The following CORO2A variants were observed in gnomAD, a reference collection of about 807,000 sequenced individuals.
The protein encoded by CORO2A is coronin-2A.
In CORO2A, 47 loss-of-function variants were observed where a neutral mutation model predicts 62.4. That is an observed-to-expected ratio of 0.75 (90% CI 0.60 to 0.96). The LOEUF is 0.96. CORO2A is among the 40% of genes least tolerant of loss of function. CORO2A has a pLI of 0.00. For missense variants in CORO2A, 610 were observed against 684.1 expected, an observed-to-expected ratio of 0.89 and a Z score of 1.21; for synonymous variants, 273 against 268.9, an observed-to-expected ratio of 1.02 and a Z score of -0.15.
chr9:98,124,954 A>G (rs1827296856), intron 11 of CORO2A, 49 bp from the exon 12 acceptor site: 2 of 1,545,878 alleles, frequency 1.3e-6, no homozygotes, highest in South Asian at 1.2e-5. Flanking sequence ...TCAGGACACC[A>G]GCTGAAAGCT....
intron 2 of CORO2A, among the ~76,000 whole-genome samples, chr9:98,143,746 C>T (rs956109002): frequency 8.5e-5 from 13 of 152,176 alleles, no homozygotes; most frequent in African/African-American, 3.1e-4. Flanking sequence ...GGGATATACT[C>T]ACTGGGCAGG....
At chr9:98,139,619 T>G (rs1196809844) in intron 2 of CORO2A, among the ~76,000 whole-genome samples, 1 of 151,736 alleles carries the variant, frequency 6.6e-6, no homozygotes, top group African/African-American at 2.4e-5. Flanking sequence ...AGAGTGAGAC[T>G]CCGTCTCAAA....
At chr9:98,134,241 G>A (rs999801565) in intron 4 of CORO2A, among the ~76,000 whole-genome samples, 4 of 152,150 alleles carry the variant, frequency 2.6e-5, no homozygotes, top group Admixed American at 6.5e-5. Flanking sequence ...AGACTGAGTC[G>A]GAATAGAATT....
intron 4 of CORO2A, 123 bp downstream of exon 4, chr9:98,134,683 G>A: frequency 8.7e-7 from 1 of 1,146,248 alleles, no homozygotes; most frequent in Non-Finnish European, 1.2e-6. Context: ...GAGGGAGCTG[G>A]CTCTCCCAAC....
intron 1 of CORO2A, among the ~76,000 whole-genome samples, chr9:98,159,999 C>T (rs1827862023): frequency 6.6e-6 from 1 of 152,200 alleles, no homozygotes; most frequent in South Asian, 2.1e-4. Context: ...ACTGTGTGAC[C>T]TCAGGCAAGT....
chr9:98,162,991 G>A (rs1268798233), intron 1 of CORO2A, among the ~76,000 whole-genome samples: 1 of 152,198 alleles, frequency 6.6e-6, no homozygotes, highest in Non-Finnish European at 1.5e-5. Context: ...CCACATCAAA[G>A]CCACAACAGG....
At position 98,192,603 on chromosome 9, in the gene CORO2A, G is replaced by T. The variant is rs1828318789; in HGVS notation, c.-45C>A. On this transcript the variant is annotated 5_prime_UTR_variant, in exon 1 of 12. In the 5' UTR this introduces an upstream ATG that the reference lacks. Transcript: ENST00000375077. ...GTGGCGGTGGCGGCGGCGGCGTCCAGCTCCGGCTCCGCGCTCCTCGCCGCC... is the reference window on the plus strand; with the variant it reads ...GTGGCGGTGGCGGCGGCGGCGTCCATCTCCGGCTCCGCGCTCCTCGCCGCC... 1 of 150,534 alleles carries T rather than the reference G, an allele frequency of 6.6e-6. No individual in the cohort carries two copies. Among genetic ancestry groups the T allele is most frequent in the East Asian group, 2.0e-4 (1 of 5,128 alleles). 9.3% of individuals were successfully genotyped at this position (150,534 alleles called of 1,614,324 possible). A position where few individuals can be genotyped will look rare whatever the true frequency, so the allele number is the denominator to read the frequency against.
chr9:98,136,780 A>G (rs978954410), intron 3 of CORO2A, among the ~76,000 whole-genome samples: 1 of 152,098 alleles, frequency 6.6e-6, no homozygotes, highest in South Asian at 2.1e-4. Context: ...GATGACAGTT[A>G]GGAATACAGT....
At chr9:98,127,061 C>T (rs1397226227) in intron 10 of CORO2A, 10 of 573,850 alleles carry the variant, frequency 1.7e-5, no homozygotes, top group South Asian at 6.3e-5. Context: ...CAGCACGGTG[C>T]GTGCACTGAA....
intron 2 of CORO2A, among the ~76,000 whole-genome samples, chr9:98,152,008 G>A (rs1409841708): frequency 1.3e-5 from 2 of 151,770 alleles, no homozygotes; most frequent in Non-Finnish European, 2.9e-5. Flanking sequence ...GTAGAGATGG[G>A]GTTTCACCAT....
rs774431378 is a variant in CORO2A at position 98,133,230 on chromosome 9, G to C, written c.469-13C>G. ...TCCAGATCATCACCTGCATGGCAGA[G>C]AGCCAGCTCTGAGCACAGGGGCCAC... is the stretch of plus-strand genomic sequence containing the variant. On this transcript the variant is annotated splice_polypyrimidine_tract_variant and intron_variant, in intron 4 of 11. Transcript: ENST00000375077. 3 of 1,613,878 alleles carry C rather than the reference G, an allele frequency of 1.9e-6. No individual in the cohort carries two copies. The highest frequency in any genetic ancestry group is 1.1e-5 in the South Asian group (1 of 91,072).
rs146939534 is a variant in CORO2A at position 98,173,585 on chromosome 9, A to G, written c.1-15925T>C. Among the ~76,000 whole-genome samples the G allele has an allele frequency of 3.1e-3, 477 of 152,116 alleles. 1 individual carries two copies. The highest frequency in any genetic ancestry group is 0.011 in the African/African-American group (453 of 41,482). ...ATAAATTGCATGCTCTGAGGCCAGCACTCCGGAACTGGGCGTCCCAATCCT... is the reference window on the plus strand; with the variant it reads ...ATAAATTGCATGCTCTGAGGCCAGCGCTCCGGAACTGGGCGTCCCAATCCT... On this transcript the variant is annotated intron_variant, in intron 1 of 11. Transcript: ENST00000375077.
At chr9:98,181,029 G>A (rs1241015270) in intron 1 of CORO2A, among the ~76,000 whole-genome samples, 5 of 152,176 alleles carry the variant, frequency 3.3e-5, no homozygotes, top group African/African-American at 4.8e-5. Flanking sequence ...TCACGCCACT[G>A]ACTTTTTTTT....
At chr9:98,163,864 G>C (rs1050218841) in intron 1 of CORO2A, among the ~76,000 whole-genome samples, 1 of 151,934 alleles carries the variant, frequency 6.6e-6, no homozygotes, top group Non-Finnish European at 1.5e-5. Context: ...TTAGCTGCAG[G>C]GTGGCTGAAA....
intron 3 of CORO2A, among the ~76,000 whole-genome samples, chr9:98,135,716 G>A (rs1827476725): frequency 6.6e-6 from 1 of 152,176 alleles, no homozygotes; most frequent in African/African-American, 2.4e-5. Context: ...CTAGTTGATT[G>A]TATGCACTGT....
intron 2 of CORO2A, among the ~76,000 whole-genome samples, chr9:98,138,555 C>A (rs564842800): frequency 6.6e-6 from 1 of 152,290 alleles, no homozygotes; most frequent in African/African-American, 2.4e-5. Flanking sequence ...ATACTACTGT[C>A]CCTAAAAAGA....
At chr9:98,166,516 A>C (rs1827962959) in intron 1 of CORO2A, among the ~76,000 whole-genome samples, 1 of 152,244 alleles carries the variant, frequency 6.6e-6, no homozygotes, top group South Asian at 2.1e-4. Context: ...ACTCAACAAC[A>C]AGCAAGCAAA....
chr9:98,127,373 TGGAA>T (rs1587989851), intron 10 of CORO2A, among the ~76,000 whole-genome samples: 1 of 149,154 alleles, frequency 6.7e-6, no homozygotes, highest in Non-Finnish European at 1.5e-5. Flanking sequence ...TTTGTGGGGG[TGGAA>T]GGGAGAGGGA....
At chr9:98,160,138 TA>T (rs1827864086) in intron 1 of CORO2A, among the ~76,000 whole-genome samples, 1 of 152,194 alleles carries the variant, frequency 6.6e-6, no homozygotes, top group Non-Finnish European at 1.5e-5. Context: ...AGCTTTGCCC[TA>T]AACCCTGGCT....
Sources: gnomAD v4.1 joint callset for allele counts (sites outside exome capture counted in the v4.1 genomes callset) on GRCh38, gnomAD v4.1.1 for gene constraint, MANE v1.5 for transcripts, NCBI Gene and HGNC (gene_info 2026-07-23, HGNC 2026-07-21) for gene names.